Variants in PDXDC1 observed in about 807,000 individuals in gnomAD.
PDXDC1 encodes pyridoxal-dependent decarboxylase domain-containing protein 1.
PDXDC1 carries 42 observed loss-of-function variants against 100.1 expected under a neutral mutation model. The ratio of observed to expected loss-of-function variants is 0.42; its 90% CI spans 0.33 to 0.54. The LOEUF is 0.54. Among genes scored for constraint, PDXDC1 ranks in the 20% least tolerant of loss-of-function variants. The probability of loss-of-function intolerance (pLI) is 0.10; values close to 1 mark genes in which losing one functional copy is unlikely to be tolerated. For synonymous variants in PDXDC1, 260 were observed against 371.7 expected, an observed-to-expected ratio of 0.70 and a Z score of 3.46; for missense variants, 636 against 979.2, an observed-to-expected ratio of 0.65 and a Z score of 4.68.
chr16:15,152,166 G>A, the PDXDC1 span, among the ~76,000 whole-genome samples: 27 of 132,282 alleles, frequency 2.0e-4, no homozygotes, highest in Admixed American at 3.1e-4. Context: ...CAGAAGCCCC[G>A]GCTGTCCTCC....
In PDXDC1 at chr16:15,036,487, C is replaced by T. The variant is rs992601708; in HGVS notation, c.*212C>T. ...TACATGTAGAACCACGTTTGCTGTC[C>T]TACTACGACTTTTCCCTAAGTTACC... is the stretch of plus-strand genomic sequence containing the variant. On this transcript the variant is annotated 3_prime_UTR_variant, in exon 23 of 23. Coordinates refer to ENST00000396410, the MANE Select transcript of PDXDC1 (RefSeq NM_015027.4). The T allele has an allele frequency of 9.0e-6, 5 of 558,514 alleles. No individual in the cohort carries two copies. Among genetic ancestry groups the T allele is most frequent in the Non-Finnish European group, 1.6e-5 (5 of 317,798 alleles). 34.6% of individuals were successfully genotyped at this position (558,514 alleles called of 1,614,324 possible).
In PDXDC1 at chr16:15,085,801, A is replaced by C; in HGVS notation, c.1400-53078A>C. 9 of 1,498,936 alleles carry C rather than the reference A, an allele frequency of 6.0e-6. No homozygotes were observed. The South Asian group carries it at 1.1e-4, about 19-fold the overall frequency. 92.9% of individuals were successfully genotyped at this position (1,498,936 alleles called of 1,614,324 possible). ...CTAGACAATGAACAGCTATAAAAAAAGTTATTTTTCCATAATCCAAAGTTA... is the reference window on the plus strand; with the variant it reads ...CTAGACAATGAACAGCTATAAAAAACGTTATTTTTCCATAATCCAAAGTTA... On this transcript the variant is annotated intron_variant, in intron 16 of 16. Coordinates refer to the PDXDC1 transcript ENST00000535621.
intron 16 of PDXDC1, among the ~76,000 whole-genome samples, chr16:15,101,341 G>C (rs975139073): frequency 6.6e-6 from 1 of 152,190 alleles, no homozygotes; most frequent in Non-Finnish European, 1.5e-5. Flanking sequence ...TTTTGAGACG[G>C]AGTCTCGCTC....
intron 16 of PDXDC1, among the ~76,000 whole-genome samples, chr16:15,077,979 G>C (rs1233486472): frequency 1.3e-5 from 2 of 152,180 alleles, no homozygotes; most frequent in African/African-American, 4.8e-5. Flanking sequence ...TCAATCAACT[G>C]AGCAGAAAAA....
chr16:15,151,853 C>A, the PDXDC1 span, among the ~76,000 whole-genome samples: 1 of 132,470 alleles, frequency 7.5e-6, no homozygotes, highest in Admixed American at 7.9e-5. Context: ...AGCGCTTGAA[C>A]CCAGGAGGCG....
Position 15,104,694 on chromosome 16 carries a change from G to C in PDXDC1, c.1400-34185G>C, listed in dbSNP as rs762173272. The C allele has an allele frequency of 1.4e-5, 23 of 1,597,456 alleles. No homozygotes were observed. In the Admixed American group the frequency reaches 3.7e-4, roughly 25 times the overall value. ...GCCCATCCTGTTTTTTAAAGTTTCA[G>C]CTGTGAGGTAGGGCCAGCAGGGCAA... On this transcript the variant is annotated intron_variant, in intron 16 of 16. Coordinates refer to the PDXDC1 transcript ENST00000535621.
chr16:15,010,631 A>G (rs2041182812), intron 8 of PDXDC1, among the ~76,000 whole-genome samples: 2 of 152,292 alleles, frequency 1.3e-5, no homozygotes, highest in South Asian at 4.1e-4. Context: ...ATTCAGCATC[A>G]TACTTGAAAT....
At position 14,994,824 on chromosome 16, in the gene PDXDC1, G is replaced by A. The variant is rs1265645490; in HGVS notation, c.22-2929G>A. ...ATCCTCTTTTATTTCATTGAGCAGT[G>A]GTTTGTAGTTTTCCTTGAAGAGGTC... On this transcript the variant is annotated intron_variant, in intron 1 of 22. Transcript: ENST00000396410. Among the ~76,000 whole-genome samples, 11 of 150,128 alleles carry A rather than the reference G, an allele frequency of 7.3e-5. No homozygotes were observed. In the East Asian group the frequency reaches 2.3e-3, roughly 32 times the overall value.
At chr16:15,117,328 G>A in intron 16 of PDXDC1, among the ~76,000 whole-genome samples, 1 of 108,564 alleles carries the variant, frequency 9.2e-6, no homozygotes, top group East Asian at 2.5e-4. Context: ...GTTTATGCTG[G>A]TGTATGTACT....
intron 16 of PDXDC1, chr16:15,060,104 C>T (rs2044658937): frequency 3.0e-6 from 1 of 335,322 alleles, no homozygotes; most frequent in African/African-American, 2.2e-5. Flanking sequence ...TCATTTTCAC[C>T]ATGGATTTTT....
chr16:14,997,243 G>A (rs1047606369), intron 1 of PDXDC1, among the ~76,000 whole-genome samples: 2 of 152,206 alleles, frequency 1.3e-5, no homozygotes, highest in African/African-American at 4.8e-5. Context: ...AAATTCAAAA[G>A]GAACTTAAGG....
At chr16:15,104,451 G>T in intron 16 of PDXDC1, 5 of 1,174,642 alleles carry the variant, frequency 4.3e-6, no homozygotes, top group Admixed American at 2.5e-5. Context: ...GCTGAGGGTG[G>T]AAGGGGAGTG....
chr16:15,079,587 GTTTCT>G lies in PDXDC1; in HGVS notation c.1399+49540_1399+49544del, dbSNP rs1230620202. ...AAGGAAGCAAAGAATGGTGCTAGTG[GTTTCT>G]TTTCTTTTTTTTTTTTTTGAGATGG... On this transcript the variant is annotated intron_variant, in intron 16 of 16. Coordinates refer to the PDXDC1 transcript ENST00000535621. Among the ~76,000 whole-genome samples, 4 of 129,768 alleles carry G rather than the reference GTTTCT, an allele frequency of 3.1e-5. No homozygotes were observed. The South Asian group carries it at 8.1e-4, about 26-fold the overall frequency. The allele number at this position is 129,768 out of a possible 152,430, so 85.1% of individuals were successfully genotyped here.
At chr16:15,013,092 C>T (rs2041462774) in intron 8 of PDXDC1, among the ~76,000 whole-genome samples, 2 of 152,256 alleles carry the variant, frequency 1.3e-5, no homozygotes, top group African/African-American at 2.4e-5. Context: ...ATGGCATGAA[C>T]TCGGGAGGCA....
intron 1 of PDXDC1, among the ~76,000 whole-genome samples, chr16:14,991,054 T>G (rs867862949): frequency 4.6e-5 from 7 of 152,284 alleles, no homozygotes; most frequent in Non-Finnish European, 8.8e-5. Context: ...CAAGAACAAT[T>G]TAAACATAAG....
At chr16:14,980,777 T>C (rs1967789481) in intron 1 of PDXDC1, among the ~76,000 whole-genome samples, 1 of 152,300 alleles carries the variant, frequency 6.6e-6, no homozygotes, top group Non-Finnish European at 1.5e-5. Context: ...TTTTTGTATT[T>C]TTAATAGAGA....
At chr16:15,005,087 G>A (rs1376452976) in intron 5 of PDXDC1, among the ~76,000 whole-genome samples, 1 of 152,266 alleles carries the variant, frequency 6.6e-6, no homozygotes, top group African/African-American at 2.4e-5. Flanking sequence ...GGCCAGGCAC[G>A]GTGGCTCACG....
intron 16 of PDXDC1, among the ~76,000 whole-genome samples, chr16:15,063,952 A>G (rs1242831585): frequency 6.6e-6 from 1 of 152,190 alleles, no homozygotes; most frequent in African/African-American, 2.4e-5. Flanking sequence ...TCTTTTTTAT[A>G]TTTCTGTAGT....
intron 16 of PDXDC1, among the ~76,000 whole-genome samples, chr16:15,128,832 G>C (rs1195429089): frequency 1.3e-5 from 2 of 148,742 alleles, no homozygotes; most frequent in African/African-American, 2.5e-5. Context: ...TTGAGATGGA[G>C]TCTTGCTGTG....
Sources: allele counts gnomAD v4.1 joint callset (sites outside exome capture counted in the v4.1 genomes callset), GRCh38; gene constraint gnomAD v4.1.1; transcripts MANE v1.5; gene names NCBI Gene and HGNC (gene_info 2026-07-23, HGNC 2026-07-21).